EML6: variants seen among roughly 807,000 people sequenced by gnomAD.
The protein encoded by EML6 is EMAP like 6, also known as echinoderm microtubule-associated protein-like 6.
Under a neutral mutation model 240.1 loss-of-function variants are expected in EML6, and 154 were observed. The ratio of observed to expected loss-of-function variants is 0.64; its 90% CI spans 0.56 to 0.73. EML6 has a LOEUF of 0.73. Ranked by LOEUF, EML6 falls within the 30% of genes least tolerant of loss-of-function variation. The pLI, the probability that EML6 is intolerant of heterozygous loss-of-function variation, is 0.00. For missense variants in EML6, 2,964 were observed against 2,474.6 expected (o/e 1.20, Z -4.20); for synonymous variants, 1,148 against 899.0 (o/e 1.28, Z -4.95).
At chr2:54,883,084 T>C (rs946404309) in intron 17 of EML6, among the ~76,000 whole-genome samples, 12 of 151,896 alleles carry the variant, frequency 7.9e-5, no homozygotes, top group African/African-American at 2.7e-4. Context: ...TTCCTCTGTT[T>C]TTCAAATAAT....
rs1669850770 is a variant in EML6, at chr2:54,797,177, A to AAAAAAAAAAAAAAAAAC, written c.198-16043_198-16042insAAAACAAAAAAAAAAAA. 4.5e-4 allele frequency among the ~76,000 whole-genome samples: 60 copies of AAAAAAAAAAAAAAAAAC among 132,736 alleles called. 1 individual carries two copies. The highest frequency in any genetic ancestry group is 8.8e-4 in the Admixed American group (11 of 12,494). The allele number at this position is 132,736 out of a possible 152,430, so 87.1% of individuals were successfully genotyped here. ...AAGACTCCATCTCAAAAAAAAAAAA[A>AAAAAAAAAAAAAAAAAC]AAAAAAAAAAAACTGTGATCTTGTA... On this transcript the variant is annotated intron_variant, in intron 2 of 41. Coordinates refer to ENST00000356458, the MANE Select transcript of EML6 (RefSeq NM_001039753.4).
intron 2 of EML6, among the ~76,000 whole-genome samples, chr2:54,740,989 T>C (rs1343216001): frequency 6.6e-6 from 1 of 152,212 alleles, no homozygotes; most frequent in African/African-American, 2.4e-5. Flanking sequence ...GTCAACAACT[T>C]GGATTTTTTT....
chr2:54,813,324 C>T lies in EML6; in HGVS notation c.290C>T (p.Thr97Ile), dbSNP rs974198547. Residue 97 changes from threonine (T) to isoleucine (I), a missense_variant, in exon 3 of 42, where the codon ACT (threonine) becomes ATT (isoleucine). Coordinates refer to ENST00000356458, the MANE Select transcript of EML6 (RefSeq NM_001039753.4). ...ICIWDSYNVQTVSLLKDVHTH... is the reference protein window; with the variant it reads ...ICIWDSYNVQIVSLLKDVHTH... ...ATATGGGATTCCTATAATGTCCAGACTGTGTCTCTTCTTAAAGATGTCCAT... is the reference window on the plus strand; with the variant it reads ...ATATGGGATTCCTATAATGTCCAGATTGTGTCTCTTCTTAAAGATGTCCAT... The T allele has an allele frequency of 2.6e-6, 4 of 1,551,306 alleles. No homozygotes were observed. The African/African-American group carries it at 5.5e-5, about 21-fold the overall frequency.
chr2:54,768,856 A>G (rs1358311164), intron 2 of EML6, among the ~76,000 whole-genome samples: 1 of 152,172 alleles, frequency 6.6e-6, no homozygotes, highest in Non-Finnish European at 1.5e-5. Flanking sequence ...TTTGGCTTCT[A>G]TATAAGTAAC....
chr2:54,818,739 A>G (rs1668191902), intron 4 of EML6, among the ~76,000 whole-genome samples: 1 of 152,234 alleles, frequency 6.6e-6, no homozygotes. Flanking sequence ...TAAAAAGTAT[A>G]ATAGGACTAT....
intron 7 of EML6, among the ~76,000 whole-genome samples, chr2:54,841,993 C>T (rs774533181): frequency 6.6e-6 from 1 of 152,100 alleles, no homozygotes; most frequent in Non-Finnish European, 1.5e-5. Flanking sequence ...ACCCACAACA[C>T]ACATACATAG....
intron 5 of EML6, among the ~76,000 whole-genome samples, chr2:54,826,786 CAT>C (rs1272238061): frequency 6.6e-6 from 1 of 152,128 alleles, no homozygotes; most frequent in Non-Finnish European, 1.5e-5. Context: ...AAATATAACT[CAT>C]ATTTATGAAA....
rs1305655603 is a variant in EML6 at position 54,928,578 on chromosome 2, G to T, written c.3878-47G>T. The T allele has an allele frequency of 2.6e-6, 4 of 1,551,556 alleles. No homozygotes were observed. In the African/African-American group the frequency reaches 5.5e-5, roughly 21 times the overall value. On this transcript the variant is annotated intron_variant, in intron 27 of 41. Coordinates refer to ENST00000356458, the MANE Select transcript of EML6 (RefSeq NM_001039753.4). ...GCACCTCCCAACACCTCCCTTCCTG[G>T]GCCACTGCAAACCAACTGGCTCCCC...
chr2:54,781,236 T>C (rs769976710), intron 2 of EML6, among the ~76,000 whole-genome samples: 2 of 152,190 alleles, frequency 1.3e-5, no homozygotes, highest in African/African-American at 2.4e-5. Flanking sequence ...CAGGCTGGCA[T>C]AAGTGTTGAG....
intron 35 of EML6, among the ~76,000 whole-genome samples, chr2:54,960,820 G>A (rs1296858980): frequency 2.6e-5 from 4 of 152,164 alleles, no homozygotes; most frequent in African/African-American, 4.8e-5. Context: ...AACAACTGTC[G>A]GGTTTTAAAG....
At chr2:54,935,813 C>T (rs754070580) in intron 28 of EML6, among the ~76,000 whole-genome samples, 7 of 152,174 alleles carry the variant, frequency 4.6e-5, no homozygotes, top group Non-Finnish European at 7.4e-5. Context: ...GAGGTTGAGG[C>T]TGGCAGGAGT....
At chr2:54,822,092 C>T (rs186111235) in intron 5 of EML6, among the ~76,000 whole-genome samples, 3 of 152,036 alleles carry the variant, frequency 2.0e-5, no homozygotes, top group South Asian at 2.1e-4. Flanking sequence ...CTTGCAAATC[C>T]GTAGAATGGA....
chr2:54,850,800 G>GT (rs1366045652), intron 10 of EML6, among the ~76,000 whole-genome samples: 1 of 152,208 alleles, frequency 6.6e-6, no homozygotes, highest in East Asian at 1.9e-4. Flanking sequence ...ATGCCTAAAT[G>GT]TTTATCAGCA....
intron 16 of EML6, among the ~76,000 whole-genome samples, chr2:54,875,826 T>G (rs577677843): frequency 6.6e-6 from 1 of 152,270 alleles, no homozygotes; most frequent in South Asian, 2.1e-4. Context: ...AAAACCAGAT[T>G]AGAAATAGAA....
At chr2:54,894,886 T>C (rs1395424020) in intron 19 of EML6, 29 bp from the exon 20 acceptor site, 1 of 1,485,732 alleles carries the variant, frequency 6.7e-7, no homozygotes, top group Non-Finnish European at 9.2e-7. Flanking sequence ...TTGATGTGTA[T>C]ATAATACCTC....
In EML6 at chr2:54,917,816, A is replaced by G. The variant is rs562410134; in HGVS notation, c.3675+881A>G. On this transcript the variant is annotated intron_variant, in intron 26 of 41. Transcript: ENST00000356458. ...TCTAGTTGCTTCAGCCATTTCCCAT[A>G]TTCGATGGCTTACAGCTGTCCCCTC... Among the ~76,000 whole-genome samples, 4 of 152,172 alleles carry G rather than the reference A, an allele frequency of 2.6e-5. No individual in the cohort carries two copies. In the East Asian group the frequency reaches 7.7e-4, roughly 29 times the overall value.
chr2:54,907,946 A>AGATT (rs1202900130), intron 24 of EML6, among the ~76,000 whole-genome samples: 2 of 37,968 alleles, frequency 5.3e-5, no homozygotes, highest in Admixed American at 2.9e-4. Context: ...ATAGATAGAT[A>AGATT]AGATAGATAG....
chr2:54,968,865 G>A, intron 41 of EML6, 97 bp downstream of exon 41: 2 of 661,614 alleles, frequency 3.0e-6, no homozygotes, highest in South Asian at 1.7e-5. Flanking sequence ...CCAGGGGCAT[G>A]AGGAGGGCTG....
chr2:54,904,308 C>T (rs879733080), intron 24 of EML6, among the ~76,000 whole-genome samples: 6 of 152,096 alleles, frequency 3.9e-5, no homozygotes, highest in Non-Finnish European at 8.8e-5. Context: ...GTGAGTCACT[C>T]GTAAATCCTA....
Sources: allele counts gnomAD v4.1 joint callset (sites outside exome capture counted in the v4.1 genomes callset), GRCh38; gene constraint gnomAD v4.1.1; transcripts MANE v1.5; gene names NCBI Gene and HGNC (gene_info 2026-07-23, HGNC 2026-07-21).